Variants in CA5B observed in about 807,000 individuals in gnomAD.
CA5B encodes carbonic anhydrase 5B, mitochondrial.
CA5B carries 15 observed loss-of-function variants against 23.1 expected under a neutral mutation model. The ratio of observed to expected loss-of-function variants is 0.65; its 90% CI spans 0.43 to 1.00. The LOEUF is 1.00. CA5B is among the 50% of genes least tolerant of loss of function. CA5B has a pLI of 0.00. For synonymous variants in CA5B, 84 were observed against 98.5 expected, an observed-to-expected ratio of 0.85 and a Z score of 0.87; for missense variants, 236 against 252.2, an observed-to-expected ratio of 0.94 and a Z score of 0.43.
rs1169241710 is a variant in CA5B at position 15,782,968 on chromosome X, TC to T, written c.*306del. On this transcript the variant is annotated 3_prime_UTR_variant, in exon 8 of 8. Coordinates refer to ENST00000318636, the MANE Select transcript of CA5B (RefSeq NM_007220.4). ...ATGATAGCTCACTGCAGCCTTGAAC[TC>T]CTAGGCTCAAGCAGTCCTCCTGCCT... The T allele has an allele frequency of 4.6e-6, 1 of 216,274 alleles. No homozygotes were observed. Among genetic ancestry groups the T allele is most frequent in the Non-Finnish European group, 8.3e-6 (1 of 120,153 alleles). 17.8% of individuals were successfully genotyped at this position (216,274 alleles called of 1,213,427 possible).
chrX:15,749,772 G>T, intron 1 of CA5B, 199 bp from the exon 2 acceptor site: 1 of 313,609 alleles, frequency 3.2e-6, no homozygotes. Context: ...TCAGTCCTCA[G>T]GACCCTCCCT....
At chrX:15,761,666 G>T (rs1165854867) in intron 2 of CA5B, among the ~76,000 whole-genome samples, 1 of 111,138 alleles carries the variant, frequency 9.0e-6, no homozygotes, top group African/African-American at 3.3e-5. Flanking sequence ...TTTAGACCAG[G>T]GTTTATCAAC....
chrX:15,772,946 A>G (rs1160848780), intron 4 of CA5B, among the ~76,000 whole-genome samples: 1 of 111,659 alleles, frequency 9.0e-6, no homozygotes, highest in Non-Finnish European at 1.9e-5. Flanking sequence ...GCCTAAATGA[A>G]GGCTGTGGCA....
chrX:15,781,546 C>T (rs765694004), intron 7 of CA5B, among the ~76,000 whole-genome samples: 34 of 111,895 alleles, frequency 3.0e-4, no homozygotes, highest in Non-Finnish European at 5.3e-4. Flanking sequence ...ATGGACCGTG[C>T]AGAGGACATT....
chrX:15,764,343 A>G (rs1189989348), intron 2 of CA5B, among the ~76,000 whole-genome samples: 1 of 109,328 alleles, frequency 9.1e-6, no homozygotes, highest in Admixed American at 9.8e-5. Flanking sequence ...CCCGGGCTCA[A>G]TCCTCCCACT....
At chrX:15,780,728 A>G (rs1932006743) in intron 7 of CA5B, among the ~76,000 whole-genome samples, 1 of 112,793 alleles carries the variant, frequency 8.9e-6, no homozygotes, top group Middle Eastern at 4.2e-3. Flanking sequence ...AGCTACTTGT[A>G]CAGCTTTCTA....
intron 2 of CA5B, among the ~76,000 whole-genome samples, chrX:15,752,287 C>T (rs1331593104): frequency 5.4e-5 from 6 of 111,007 alleles, no homozygotes; most frequent in South Asian, 7.5e-4. Flanking sequence ...CCCTATATAT[C>T]GTGATTTACT....
chrX:15,739,589 T>C (rs1177466278), intron 1 of CA5B, among the ~76,000 whole-genome samples: 1 of 111,279 alleles, frequency 9.0e-6, no homozygotes, highest in Non-Finnish European at 1.9e-5. Context: ...CCACTCACAA[T>C]TGGAACGCAG....
intron 1 of CA5B, among the ~76,000 whole-genome samples, chrX:15,747,244 T>C (rs1422697956): frequency 7.2e-5 from 8 of 111,861 alleles, no homozygotes; most frequent in Non-Finnish European, 1.3e-4. Context: ...GGTTTCAGCA[T>C]TGTAGTAAAG....
intron 2 of CA5B, among the ~76,000 whole-genome samples, chrX:15,753,840 C>T (rs769601088): frequency 8.9e-6 from 1 of 112,377 alleles, no homozygotes; most frequent in Non-Finnish European, 1.9e-5. Context: ...ACCCAGGAGG[C>T]AGAGGTTCCA....
chrX:15,755,353 C>G (rs1353533799), intron 2 of CA5B, among the ~76,000 whole-genome samples: 1 of 111,800 alleles, frequency 8.9e-6, no homozygotes, highest in African/African-American at 3.2e-5. Context: ...CTAATGGACT[C>G]AGCATCCAAG....
At chrX:15,752,700 G>A (rs1234957196) in intron 2 of CA5B, among the ~76,000 whole-genome samples, 1 of 105,853 alleles carries the variant, frequency 9.4e-6, no homozygotes. Flanking sequence ...ACTCCAGCCT[G>A]GGCGACAGAG....
At chrX:15,747,899 AGAGAGGAGAGCAGCTCTTTCTCTTGC>A (rs760339095) in intron 1 of CA5B, among the ~76,000 whole-genome samples, 165 of 110,537 alleles carry the variant, frequency 1.5e-3, no homozygotes, top group African/African-American at 5.2e-3. Context: ...AGAAGAAAGG[AGAGAGGAGAGCAGCTCTTTCTCTTGC>A]GAGAGGAGAG....
intron 2 of CA5B, among the ~76,000 whole-genome samples, chrX:15,752,581 C>G (rs1234334974): frequency 9.0e-6 from 1 of 111,025 alleles, no homozygotes; most frequent in East Asian, 2.8e-4. Context: ...GAAAATTAGC[C>G]AGGCGTGGTG....
chrX:15,775,093 A>G (rs1030348299), intron 5 of CA5B, 153 bp from the exon 6 acceptor site: 1 of 132,957 alleles, frequency 7.5e-6, no homozygotes, highest in African/African-American at 3.2e-5. Flanking sequence ...AGTAATGTTT[A>G]TAAAATTATA....
chrX:15,741,037 G>C (rs1931108902), intron 1 of CA5B, among the ~76,000 whole-genome samples: 1 of 110,542 alleles, frequency 9.0e-6, no homozygotes, highest in Non-Finnish European at 1.9e-5. Flanking sequence ...ACTCCAGCGT[G>C]GGTGACAGAG....
At chrX:15,752,417 A>G (rs1931379246) in intron 2 of CA5B, among the ~76,000 whole-genome samples, 1 of 111,781 alleles carries the variant, frequency 8.9e-6, no homozygotes, top group South Asian at 3.7e-4. Context: ...TGCATGGGGG[A>G]AAATTTGTAT....
chrX:15,770,362 C>G (rs1202576656), intron 3 of CA5B, among the ~76,000 whole-genome samples: 1 of 111,933 alleles, frequency 8.9e-6, no homozygotes, highest in African/African-American at 3.2e-5. Flanking sequence ...ACCTCAAATA[C>G]ATAAGTATAT....
intron 3 of CA5B, among the ~76,000 whole-genome samples, chrX:15,771,423 T>TTG (rs569735820): frequency 0.034 from 3,528 of 102,598 alleles, 172 homozygotes; most frequent in African/African-American, 0.11. Flanking sequence ...TGGTAATAAT[T>TTG]TGTGTGTGTG....
Sources: allele counts gnomAD v4.1 joint callset (sites outside exome capture counted in the v4.1 genomes callset), GRCh38; gene constraint gnomAD v4.1.1; transcripts MANE v1.5; gene names NCBI Gene and HGNC (gene_info 2026-07-23, HGNC 2026-07-21).